The following LINGO2 variants were observed in gnomAD, a reference collection of about 807,000 sequenced individuals.
LINGO2 encodes leucine-rich repeat and immunoglobulin-like domain-containing nogo receptor-interacting protein 2.
A neutral mutation model predicts 30.6 loss-of-function variants in LINGO2; 14 were observed. That is an observed-to-expected ratio of 0.46 (90% CI 0.30 to 0.72). The LOEUF is 0.72. Among genes scored for constraint, LINGO2 ranks in the 30% least tolerant of loss-of-function variants. LINGO2 has a pLI of 0.07. For missense variants in LINGO2, 729 were observed against 751.7 expected (o/e 0.97, Z 0.35); for synonymous variants, 317 against 288.5 (o/e 1.10, Z -1.00).
Position 28,148,609 on chromosome 9 carries a change from G to T in LINGO2, c.-86-136204C>A. ...CCTGGTACAATCCCAGGCCCTTGGA[G>T]GGAAATGTCCACCTCAAGAGCTTGA... On this transcript the variant is annotated intron_variant, in intron 4 of 5. Coordinates refer to ENST00000379992, the Ensembl canonical transcript of LINGO2. This position sits in a 1 kb window ranked among gnomAD's most constrained non-coding sequence, Gnocchi z 5.1. 6.6e-7 allele frequency: 1 copy of T among 1,517,084 alleles called. No individual in the cohort carries two copies. Among genetic ancestry groups the T allele is most frequent in the Non-Finnish European group, 8.8e-7 (1 of 1,130,904 alleles). The allele number at this position is 1,517,084 out of a possible 1,614,324, so 94.0% of individuals were successfully genotyped here.
intron 4 of LINGO2, among the ~76,000 whole-genome samples, chr9:28,064,183 A>T (rs1460125992): frequency 6.6e-6 from 1 of 152,074 alleles, no homozygotes; most frequent in Non-Finnish European, 1.5e-5. Flanking sequence ...TCACCTTACC[A>T]GTCATTGTGG....
the LINGO2 span, among the ~76,000 whole-genome samples, chr9:29,177,913 T>A: frequency 6.6e-6 from 1 of 152,132 alleles, no homozygotes; most frequent in Admixed American, 6.5e-5. Flanking sequence ...CATAATCATA[T>A]CCTTTTCTAA....
chr9:28,703,545 A>T, the LINGO2 span, among the ~76,000 whole-genome samples: 1 of 151,282 alleles, frequency 6.6e-6, no homozygotes, highest in Non-Finnish European at 1.5e-5. Flanking sequence ...ATTCCATATG[A>T]GCTTGAAAAA....
At chr9:28,756,236 T>A in the LINGO2 span, among the ~76,000 whole-genome samples, 2 of 152,052 alleles carry the variant, frequency 1.3e-5, no homozygotes, top group Non-Finnish European at 2.9e-5. Flanking sequence ...AGCTGTAAGA[T>A]TTAATGACTG....
At chr9:28,661,609 T>C (rs913339774) in intron 1 of LINGO2, among the ~76,000 whole-genome samples, 4 of 152,198 alleles carry the variant, frequency 2.6e-5, no homozygotes, top group African/African-American at 9.7e-5. Flanking sequence ...TGGATATAAT[T>C]CTGTAAACAT....
the LINGO2 span, among the ~76,000 whole-genome samples, chr9:28,718,719 A>G: frequency 6.6e-6 from 1 of 151,986 alleles, no homozygotes; most frequent in Non-Finnish European, 1.5e-5. Context: ...TCTTGGTGAC[A>G]CTTACTGGCA....
At chr9:29,092,057 A>G in the LINGO2 span, among the ~76,000 whole-genome samples, 1 of 152,054 alleles carries the variant, frequency 6.6e-6, no homozygotes, top group Non-Finnish European at 1.5e-5. Flanking sequence ...AATAATGATG[A>G]TCATACAGAT....
chr9:28,353,704 G>A (rs1468969091), intron 3 of LINGO2, among the ~76,000 whole-genome samples: 1 of 152,066 alleles, frequency 6.6e-6, no homozygotes, highest in Non-Finnish European at 1.5e-5. Context: ...ACATGCACAC[G>A]TATGTTTATT....
At chr9:29,015,664 AT>A in the LINGO2 span, among the ~76,000 whole-genome samples, 4 of 152,162 alleles carry the variant, frequency 2.6e-5, no homozygotes, top group Non-Finnish European at 5.9e-5. Context: ...CAATCTATAG[AT>A]TAAAAAAATA....
chr9:28,773,156 G>T, the LINGO2 span, among the ~76,000 whole-genome samples: 1 of 152,060 alleles, frequency 6.6e-6, no homozygotes, highest in East Asian at 1.9e-4. Flanking sequence ...ACGACGTCAG[G>T]AGATCGAGAC....
intron 4 of LINGO2, among the ~76,000 whole-genome samples, chr9:28,165,511 T>C (rs1828401666): frequency 1.3e-5 from 2 of 152,354 alleles, no homozygotes; most frequent in Middle Eastern, 3.4e-3. Flanking sequence ...CCTCGTGGAT[T>C]GCAATCTCAA....
the LINGO2 span, among the ~76,000 whole-genome samples, chr9:29,007,989 C>A: frequency 6.6e-6 from 1 of 152,076 alleles, no homozygotes; most frequent in African/African-American, 2.4e-5. Flanking sequence ...AGGTTTGTTA[C>A]ATATGTATAC....
At chr9:29,058,905 C>T in the LINGO2 span, among the ~76,000 whole-genome samples, 2 of 151,724 alleles carry the variant, frequency 1.3e-5, no homozygotes. Flanking sequence ...ATCATACAAT[C>T]GTGATGAATT....
At chr9:28,257,739 A>G (rs7871342) in intron 4 of LINGO2, among the ~76,000 whole-genome samples, 6,421 of 152,018 alleles carry the variant, frequency 0.042, 430 homozygotes, top group African/African-American at 0.15. Context: ...GTAGAAGAAC[A>G]ACATCAATAA....
In LINGO2 at chr9:28,206,182, A is replaced by G. The variant is rs1820404439; in HGVS notation, c.-87+89026T>C. On this transcript the variant is annotated intron_variant, in intron 4 of 5. Transcript: ENST00000379992. ...CCTGTTTCAAAAAAAAAAAAAAAAA[A>G]AAAAAAAAGGAGGAAGGAAGAAATT... Among the ~76,000 whole-genome samples the G allele has an allele frequency of 2.0e-5, 3 of 150,828 alleles. No individual in the cohort carries two copies. In the South Asian group the frequency reaches 6.3e-4, roughly 32 times the overall value.
At chr9:28,482,831 T>A (rs900467099) in intron 1 of LINGO2, among the ~76,000 whole-genome samples, 1 of 152,068 alleles carries the variant, frequency 6.6e-6, no homozygotes, top group Non-Finnish European at 1.5e-5. Context: ...TTACACCTTA[T>A]ACAAAAATTA....
the LINGO2 span, among the ~76,000 whole-genome samples, chr9:29,025,802 C>G: frequency 1.4e-3 from 214 of 152,236 alleles, 1 homozygote; most frequent in African/African-American, 4.9e-3. Flanking sequence ...ACATCTCCCC[C>G]CTCTACCCTT....
the LINGO2 span, among the ~76,000 whole-genome samples, chr9:29,101,024 A>T: frequency 1.3e-5 from 2 of 152,230 alleles, no homozygotes; most frequent in South Asian, 4.1e-4. Context: ...ATTCATAAAT[A>T]GGATTATTTC....
intron 4 of LINGO2, among the ~76,000 whole-genome samples, chr9:28,076,160 CT>C (rs1825617147): frequency 6.6e-6 from 1 of 152,046 alleles, no homozygotes; most frequent in South Asian, 2.1e-4. Context: ...CCCACATTTT[CT>C]TCACAAATTA....
Sources: allele counts gnomAD v4.1 joint callset (sites outside exome capture counted in the v4.1 genomes callset), GRCh38; gene constraint gnomAD v4.1.1; non-coding constraint Gnocchi (gnomAD v3.1); transcripts MANE v1.5; gene names NCBI Gene and HGNC (gene_info 2026-07-23, HGNC 2026-07-21).